GRIN2D: variants seen among roughly 807,000 people sequenced by gnomAD.
GRIN2D encodes glutamate ionotropic receptor NMDA type subunit 2D.
In GRIN2D, 37 loss-of-function variants were observed where a neutral mutation model predicts 103.2. The observed-to-expected ratio is 0.36, with a 90% CI of 0.28 to 0.47. The LOEUF is 0.47. Ranked by LOEUF, GRIN2D falls within the 20% of genes least tolerant of loss-of-function variation. The pLI, the probability that GRIN2D is intolerant of heterozygous loss-of-function variation, is 1.00. For synonymous variants in GRIN2D, 845 were observed against 885.6 expected (o/e 0.95, Z 0.81); for missense variants, 1,557 against 1,910.6 (o/e 0.81, Z 3.45).
At chr19:48,422,021 C>A in intron 11 of GRIN2D, 76 bp downstream of exon 11, 1 of 1,441,474 alleles carries the variant, frequency 6.9e-7, no homozygotes, top group South Asian at 1.2e-5. Context: ...GCAAGGGGTC[C>A]AGGTTCATTC....
chr19:48,403,413 G>C (rs978257805), intron 3 of GRIN2D, among the ~76,000 whole-genome samples: 1 of 152,164 alleles, frequency 6.6e-6, no homozygotes, highest in Non-Finnish European at 1.5e-5. Context: ...AGTGCACCCA[G>C]AAAACTAAGT....
intron 4 of GRIN2D, among the ~76,000 whole-genome samples, 169 bp from the exon 5 acceptor site, chr19:48,413,822 G>T (rs550962441): frequency 2.6e-4 from 39 of 152,128 alleles, no homozygotes; most frequent in Admixed American, 8.5e-4. Flanking sequence ...CAAGGGGAGG[G>T]TGCTGAGCAG....
At chr19:48,401,796 A>T (rs1432058802) in intron 3 of GRIN2D, among the ~76,000 whole-genome samples, 1 of 152,204 alleles carries the variant, frequency 6.6e-6, no homozygotes, top group African/African-American at 2.4e-5. Flanking sequence ...AGACTGGAAG[A>T]TGCAAGATTG....
intron 11 of GRIN2D, among the ~76,000 whole-genome samples, chr19:48,439,054 A>G (rs1971263231): frequency 6.8e-6 from 1 of 147,260 alleles, no homozygotes; most frequent in Non-Finnish European, 1.5e-5. Flanking sequence ...TGTTGGGATT[A>G]CAGGCATGAG....
In GRIN2D at chr19:48,415,891, C is replaced by T. The variant is rs530091855; in HGVS notation, c.1582-111C>T. ...ACCTCGCAATCCCTCTTGGCCCCTT[C>T]CCTCACCCTGTCACTGGTCTGCTCC... On this transcript the variant is annotated intron_variant, in intron 7 of 13. Transcript: ENST00000263269. 36 of 932,702 alleles carry T rather than the reference C, an allele frequency of 3.9e-5. No homozygotes were observed. The East Asian group carries it at 8.4e-4, about 22-fold the overall frequency. 57.8% of individuals were successfully genotyped at this position (932,702 alleles called of 1,614,324 possible). A position where few individuals can be genotyped will look rare whatever the true frequency, so the allele number is the denominator to read the frequency against.
At chr19:48,432,722 G>T (rs1196800498) in intron 11 of GRIN2D, among the ~76,000 whole-genome samples, 1 of 151,416 alleles carries the variant, frequency 6.6e-6, no homozygotes, top group East Asian at 2.0e-4. Context: ...GCCTCCAAAA[G>T]TGTTAGGATT....
At chr19:48,440,092 T>G (rs1600995430) in intron 11 of GRIN2D, among the ~76,000 whole-genome samples, 2 of 152,170 alleles carry the variant, frequency 1.3e-5, no homozygotes, top group Middle Eastern at 3.4e-3. Flanking sequence ...ATGCCTATAA[T>G]CCCAGCTACT....
At chr19:48,415,904 A>C in intron 7 of GRIN2D, 98 bp from the exon 8 acceptor site, 2 of 1,074,576 alleles carry the variant, frequency 1.9e-6, no homozygotes, top group Non-Finnish European at 1.4e-6. Flanking sequence ...TCACCCTGTC[A>C]CTGGTCTGCT....
chr19:48,398,480 G>A lies in GRIN2D; in HGVS notation c.88G>A (p.Glu30Lys), dbSNP rs1970669406. The change falls in exon 3 of 14, where the codon GAG becomes AAG. Residue 30 changes from glutamate (E) to lysine (K), a missense_variant. Transcript: ENST00000263269. ...LALACASPFP[E>K]EAPGPGGAGG... ...GCTGGCCTGCGCCAGCCCGTTCCCG[G>A]AGGAGGCGCCGGGGCCGGGCGGGGC... 2 of 1,041,234 alleles carry A rather than the reference G, an allele frequency of 1.9e-6. No homozygotes were observed. Among genetic ancestry groups the A allele is most frequent in the Non-Finnish European group, 2.3e-6 (2 of 867,692 alleles). The allele number at this position is 1,041,234 out of a possible 1,614,324, so 64.5% of individuals were successfully genotyped here. A position where few individuals can be genotyped will look rare whatever the true frequency, so the allele number is the denominator to read the frequency against.
chr19:48,409,489 C>CTGCT (rs935911351), intron 4 of GRIN2D, among the ~76,000 whole-genome samples: 2 of 152,020 alleles, frequency 1.3e-5, no homozygotes, highest in African/African-American at 4.8e-5. Context: ...GTTGGCCAGG[C>CTGCT]TGCTCTCAAA....
Position 48,434,030 on chromosome 19 carries a change from G to A in GRIN2D, c.2253-7739G>A, listed in dbSNP as rs191012827. Among the ~76,000 whole-genome samples the A allele has an allele frequency of 5.0e-3, 747 of 149,452 alleles. 7 individuals carry two copies. Among genetic ancestry groups the A allele is most frequent in the African/African-American group, 0.018 (722 of 40,664 alleles). On this transcript the variant is annotated intron_variant, in intron 11 of 13. Coordinates refer to ENST00000263269, the MANE Select transcript of GRIN2D (RefSeq NM_000836.4). ...GTGGCGCGATCTCGGCTCACTGCAGGCTCTGCCTCCCGGGTTCATACCATT... is the reference window on the plus strand; with the variant it reads ...GTGGCGCGATCTCGGCTCACTGCAGACTCTGCCTCCCGGGTTCATACCATT...
chr19:48,419,515 C>CT (rs11302654), intron 9 of GRIN2D, 70 bp from the exon 10 acceptor site: 14,703 of 1,170,048 alleles, frequency 0.013, 1 homozygote, highest in Non-Finnish European at 0.015. Context: ...GTAGTTCTTT[C>CT]TTTTTTTTTT....
In GRIN2D at chr19:48,398,843, G is replaced by C. The variant is rs1970675472; in HGVS notation, c.451G>C (p.Val151Leu). 2 of 1,380,264 alleles carry C rather than the reference G, an allele frequency of 1.4e-6. No individual in the cohort carries two copies. The highest frequency in any genetic ancestry group is 3.1e-5 in the South Asian group (2 of 63,554). 85.5% of individuals were successfully genotyped at this position (1,380,264 alleles called of 1,614,324 possible). The change falls in exon 3 of 14, where the codon GTG (valine) becomes CTG (leucine). Residue 151 changes from valine to leucine, a missense_variant. This residue lies in a region of GRIN2D where 490 missense variants were observed against 601.1 expected (regional missense o/e 0.82). Transcript: ENST00000263269. ...IVAVHGGAAL[V>L]LTPKEKGSTF... is the part of the protein sequence containing the mutation. ...GGCCGTGCACGGCGGCGCCGCGCTC[G>C]TGCTCACGCCCAAGGTGCGCGCGAC...
chr19:48,400,352 C>T (rs993338067), intron 3 of GRIN2D, among the ~76,000 whole-genome samples: 10 of 152,328 alleles, frequency 6.6e-5, no homozygotes, highest in African/African-American at 2.4e-4. Context: ...TGTGTGACTG[C>T]ATCACTGTTG....
At chr19:48,407,547 T>A (rs1462493715) in intron 4 of GRIN2D, among the ~76,000 whole-genome samples, 2 of 151,976 alleles carry the variant, frequency 1.3e-5, no homozygotes, top group East Asian at 3.9e-4. Context: ...GCCTGTGGAG[T>A]CAGGAAGGTT....
chr19:48,415,046 C>CG lies in GRIN2D; in HGVS notation c.1581+17dup. 1 of 1,558,202 alleles carries CG rather than the reference C, an allele frequency of 6.4e-7. No individual in the cohort carries two copies. The highest frequency in any genetic ancestry group is 1.4e-5 in the African/African-American group (1 of 73,446). On this transcript the variant is annotated intron_variant, in intron 7 of 13. Coordinates refer to ENST00000263269, the MANE Select transcript of GRIN2D (RefSeq NM_000836.4). ...ATGATCGGGGAGGTGAGGGGGCGGA[C>CG]GGGAGGCGGGGAATCTTCGGGGCGG...
chr19:48,442,463 G>A lies in GRIN2D; in HGVS notation c.2673+81G>A, dbSNP rs1971309217. 1 of 1,543,756 alleles carries A rather than the reference G, an allele frequency of 6.5e-7. No homozygotes were observed. The highest frequency in any genetic ancestry group is 1.2e-5 in the South Asian group (1 of 86,296). ...TAAAGCCGAGCAGAGACAAGGAGAT[G>A]TGGGTCGAGATGTGGATAGTGGGGA... On this transcript the variant is annotated intron_variant, in intron 13 of 13. Transcript: ENST00000263269. The surrounding 1 kb of genome is among the most constrained non-coding windows in gnomAD (Gnocchi z 7.2).
Position 48,414,329 on chromosome 19 carries a change from G to A in GRIN2D, c.1201-44G>A, listed in dbSNP as rs1970914922. 5.4e-6 allele frequency: 8 copies of A among 1,480,168 alleles called. No individual in the cohort carries two copies. Among genetic ancestry groups the A allele is most frequent in the Non-Finnish European group, 7.4e-6 (8 of 1,084,440 alleles). 91.7% of individuals were successfully genotyped at this position (1,480,168 alleles called of 1,614,324 possible). On this transcript the variant is annotated intron_variant, in intron 5 of 13. Transcript: ENST00000263269. This position sits in a 1 kb window ranked among gnomAD's most constrained non-coding sequence, Gnocchi z 4.6. ...GGATCATGGAGGCCAGGATACACCG[G>A]GAAGTCTTCCCAGGAAGCCTGACTC... is the stretch of plus-strand genomic sequence containing the variant.
chr19:48,394,994 G>A lies in GRIN2D; in HGVS notation c.-27+58G>A, dbSNP rs1386645647. ...GTGGGAATGTGGACCCCCAAATCTA[G>A]GACAGAGGAAGTTGGCAAGAAGCCT... is the stretch of plus-strand genomic sequence containing the variant. On this transcript the variant is annotated intron_variant, in intron 2 of 13. Transcript: ENST00000263269. The surrounding 1 kb of genome is among the most constrained non-coding windows in gnomAD (Gnocchi z 5.1). 6.6e-6 allele frequency: 1 copy of A among 152,596 alleles called. No individual in the cohort carries two copies. The highest frequency in any genetic ancestry group is 2.4e-5 in the African/African-American group (1 of 41,402). The allele number at this position is 152,596 out of a possible 1,614,324, so 9.5% of individuals were successfully genotyped here.
Sources: allele counts gnomAD v4.1 joint callset (sites outside exome capture counted in the v4.1 genomes callset), GRCh38; gene constraint gnomAD v4.1.1; regional missense constraint gnomAD v4.1.1; non-coding constraint Gnocchi (gnomAD v3.1); transcripts MANE v1.5; gene names NCBI Gene and HGNC (gene_info 2026-07-23, HGNC 2026-07-21).